RGPD2: variants seen among roughly 807,000 people sequenced by gnomAD.
RGPD2 encodes RANBP2 like and GRIP domain containing 2.
In RGPD2, 2 loss-of-function variants were observed where a neutral mutation model predicts 36.0. The observed-to-expected ratio is 0.06, with a 90% confidence interval of 0.02 to 0.17. The LOEUF is 0.17. RGPD2 is among the 10% of genes least tolerant of loss of function. The probability of loss-of-function intolerance (pLI) is 1.00; values close to 1 mark genes in which losing one functional copy is unlikely to be tolerated. For missense variants in RGPD2, 40 were observed against 464.3 expected (o/e 0.09, Z 8.40); for synonymous variants, 19 against 163.8 (o/e 0.12, Z 6.75).
intron 22 of RGPD2, among the ~76,000 whole-genome samples, chr2:87,763,252 G>C (rs936701304): frequency 6.2e-5 from 9 of 146,140 alleles, no homozygotes; most frequent in Admixed American, 6.1e-4. Context: ...CCGCCTCCCG[G>C]GTTCGCGCCA....
the RGPD2 span, among the ~76,000 whole-genome samples, chr2:87,914,101 T>C: frequency 6.6e-6 from 1 of 151,176 alleles, no homozygotes; most frequent in African/African-American, 2.4e-5. Flanking sequence ...GAATGCCTCT[T>C]ATACAAGGAG....
the RGPD2 span, among the ~76,000 whole-genome samples, chr2:87,915,867 C>T: frequency 6.6e-6 from 1 of 151,344 alleles, no homozygotes; most frequent in Non-Finnish European, 1.5e-5. Context: ...TAGCACTAAT[C>T]ACAATGCCTA....
the RGPD2 span, among the ~76,000 whole-genome samples, chr2:87,952,159 C>A: frequency 6.6e-6 from 1 of 152,246 alleles, no homozygotes; most frequent in East Asian, 1.9e-4. Flanking sequence ...GAGAAGTATT[C>A]TTTTTATGAA....
chr2:87,837,263 G>C, the RGPD2 span, among the ~76,000 whole-genome samples: 1 of 151,496 alleles, frequency 6.6e-6, no homozygotes, highest in Non-Finnish European at 1.5e-5. Context: ...AACAACAACA[G>C]AATATACATT....
At chr2:87,979,231 C>CCT in the RGPD2 span, among the ~76,000 whole-genome samples, 5 of 2,188 alleles carry the variant, frequency 2.3e-3, no homozygotes, top group Non-Finnish European at 0.015. Context: ...AAGACTCTGT[C>CCT]CCCCTCCCCC....
chr2:87,766,712 CAT>C (rs1308304834), intron 22 of RGPD2: 1 of 144,674 alleles, frequency 6.9e-6, no homozygotes, highest in East Asian at 2.1e-4. Flanking sequence ...TACCTTAACA[CAT>C]ATTTATTTCA....
chr2:87,883,266 T>C, the RGPD2 span, among the ~76,000 whole-genome samples: 115 of 151,764 alleles, frequency 7.6e-4, no homozygotes, highest in Non-Finnish European at 1.5e-3. Flanking sequence ...AAGTATAAAA[T>C]GTTTCTTGTA....
At chr2:87,846,312 T>C in the RGPD2 span, among the ~76,000 whole-genome samples, 31 of 152,018 alleles carry the variant, frequency 2.0e-4, no homozygotes, top group African/African-American at 7.5e-4. Flanking sequence ...TAAATAAACA[T>C]CCACACTCAT....
At chr2:87,977,553 C>T in the RGPD2 span, among the ~76,000 whole-genome samples, 11 of 150,350 alleles carry the variant, frequency 7.3e-5, no homozygotes, top group Admixed American at 4.6e-4. Flanking sequence ...GTGGCTCATG[C>T]CTGTAATCCC....
the RGPD2 span, among the ~76,000 whole-genome samples, chr2:87,964,815 A>ATT: frequency 7.7e-5 from 6 of 77,936 alleles, no homozygotes; most frequent in African/African-American, 1.5e-4. Flanking sequence ...TTATTTATTT[A>ATT]TTTTTCTTTT....
the RGPD2 span, among the ~76,000 whole-genome samples, chr2:87,978,931 G>A: frequency 1.4e-5 from 2 of 147,306 alleles, no homozygotes; most frequent in East Asian, 2.0e-4. Context: ...AAAAAAAAAA[G>A]AAATGAAAAT....
At chr2:87,937,167 A>G in the RGPD2 span, among the ~76,000 whole-genome samples, 1 of 151,890 alleles carries the variant, frequency 6.6e-6, no homozygotes, top group East Asian at 1.9e-4. Context: ...TATGTTAGCT[A>G]ATCTGAAAGA....
At chr2:87,879,451 C>G in the RGPD2 span, among the ~76,000 whole-genome samples, 5 of 144,982 alleles carry the variant, frequency 3.4e-5, no homozygotes, top group Admixed American at 1.4e-4. Flanking sequence ...CACATCCCCC[C>G]ACCCCTGACA....
the RGPD2 span, among the ~76,000 whole-genome samples, chr2:87,967,590 A>G: frequency 6.7e-6 from 1 of 149,230 alleles, no homozygotes; most frequent in African/African-American, 2.6e-5. Flanking sequence ...AGAAAACCAC[A>G]CTATTCCTAA....
the RGPD2 span, among the ~76,000 whole-genome samples, chr2:87,854,828 G>A: frequency 4.2e-4 from 64 of 152,182 alleles, no homozygotes; most frequent in Non-Finnish European, 7.1e-4. Context: ...TAAAGCTGTT[G>A]TAAAAATTCC....
chr2:87,839,643 C>T, the RGPD2 span, among the ~76,000 whole-genome samples: 1 of 151,918 alleles, frequency 6.6e-6, no homozygotes, highest in Admixed American at 6.6e-5. Flanking sequence ...GAGCTGGAGG[C>T]CATTATCCTA....
chr2:87,965,100 C>T, the RGPD2 span, among the ~76,000 whole-genome samples: 17 of 138,714 alleles, frequency 1.2e-4, no homozygotes, highest in African/African-American at 2.8e-4. Context: ...ACTTGGCCTT[C>T]GGCATTTACA....
At chr2:87,966,534 C>A in the RGPD2 span, among the ~76,000 whole-genome samples, 2 of 150,692 alleles carry the variant, frequency 1.3e-5, no homozygotes, top group Non-Finnish European at 3.0e-5. Context: ...CTTTGTTAAG[C>A]AATGTCTGTG....
chr2:87,985,496 G>C, the RGPD2 span, among the ~76,000 whole-genome samples: 1 of 151,448 alleles, frequency 6.6e-6, no homozygotes, highest in Non-Finnish European at 1.5e-5. Context: ...ATGAGAAATA[G>C]TCATATATGC....
Sources: gnomAD v4.1 joint callset for allele counts (sites outside exome capture counted in the v4.1 genomes callset) on GRCh38, gnomAD v4.1.1 for gene constraint, MANE v1.5 for transcripts, NCBI Gene and HGNC (gene_info 2026-07-23, HGNC 2026-07-21) for gene names.